The following ARHGEF7 variants were observed in gnomAD, a reference collection of about 807,000 sequenced individuals.
ARHGEF7 encodes PAK-interacting exchange factor beta.
A neutral mutation model predicts 109.8 loss-of-function variants in ARHGEF7; 33 were observed. The observed-to-expected ratio is 0.30, with a 90% CI of 0.23 to 0.40. The LOEUF (loss-of-function observed/expected upper bound fraction) is 0.40, where lower values mean the gene tolerates loss of function less well. Among genes scored for constraint, ARHGEF7 ranks in the 10% least tolerant of loss-of-function variants. The pLI, the probability that ARHGEF7 is intolerant of heterozygous loss-of-function variation, is 1.00. For missense variants in ARHGEF7, 938 were observed against 1,098.5 expected, an observed-to-expected ratio of 0.85 and a Z score of 2.07; for synonymous variants, 458 against 424.6, an observed-to-expected ratio of 1.08 and a Z score of -0.97.
At chr13:111,290,365 A>G (rs984473639) in intron 18 of ARHGEF7, among the ~76,000 whole-genome samples, 2 of 152,390 alleles carry the variant, frequency 1.3e-5, no homozygotes, top group South Asian at 2.1e-4. Flanking sequence ...ACAGCTATTT[A>G]TATGGCATTT....
chr13:111,135,358 G>A (rs1253294140), intron 1 of ARHGEF7, among the ~76,000 whole-genome samples: 2 of 152,114 alleles, frequency 1.3e-5, no homozygotes, highest in African/African-American at 2.4e-5. Context: ...TAGCTTGATG[G>A]GGATGGCATT....
intron 8 of ARHGEF7, among the ~76,000 whole-genome samples, chr13:111,264,459 C>T (rs750658898): frequency 5.3e-5 from 8 of 152,292 alleles, no homozygotes; most frequent in South Asian, 4.1e-4. Flanking sequence ...CTCCCATCTG[C>T]GCAGAGATCT....
At chr13:111,296,525 A>C (rs938917469) in intron 19 of ARHGEF7, among the ~76,000 whole-genome samples, 6 of 152,346 alleles carry the variant, frequency 3.9e-5, no homozygotes, top group African/African-American at 1.4e-4. Flanking sequence ...GGTGTTAAGT[A>C]TAAATTATTT....
intron 2 of ARHGEF7, among the ~76,000 whole-genome samples, chr13:111,164,372 C>T (rs1337266926): frequency 6.6e-6 from 1 of 152,198 alleles, no homozygotes; most frequent in East Asian, 1.9e-4. Flanking sequence ...AGGTGTTTGA[C>T]AACATCAAGG....
At chr13:111,130,036 G>T (rs965899982) in intron 1 of ARHGEF7, among the ~76,000 whole-genome samples, 2 of 152,172 alleles carry the variant, frequency 1.3e-5, no homozygotes, top group Admixed American at 6.5e-5. Context: ...ATGGAACACG[G>T]CTCAGCAATA....
chr13:111,221,189 CTATA>C (rs1186310181), intron 5 of ARHGEF7, among the ~76,000 whole-genome samples: 1 of 62,204 alleles, frequency 1.6e-5, no homozygotes, highest in South Asian at 5.7e-4. Flanking sequence ...ATATATATGT[CTATA>C]TATATCTATA....
intron 13 of ARHGEF7, among the ~76,000 whole-genome samples, chr13:111,277,928 A>G (rs2092579098): frequency 6.6e-6 from 1 of 152,220 alleles, no homozygotes; most frequent in African/African-American, 2.4e-5. Flanking sequence ...CTGTGGCACA[A>G]GTCAGTCTCT....
In ARHGEF7 at chr13:111,206,092, T is replaced by C. The variant is rs181057303; in HGVS notation, c.337+719T>C. Among the ~76,000 whole-genome samples, 6 of 152,200 alleles carry C rather than the reference T, an allele frequency of 3.9e-5. No individual in the cohort carries two copies. The East Asian group carries it at 5.8e-4, about 15-fold the overall frequency. On this transcript the variant is annotated intron_variant, in intron 3 of 21. Transcript: ENST00000646102. ...CTTTTTAGTTGCTTTTTTGGTCTTA[T>C]TAGAGTAATTTTTTTTTCCTATTTA...
rs1276855437 is a variant in ARHGEF7, at chr13:111,145,834, A to C, written c.166-8071A>C. ...TGTGTAGTTTTGGACCTGACATTTC[A>C]GCTGTCTGAGTCCCTGTTTTCTCAT... On this transcript the variant is annotated intron_variant, in intron 1 of 21. Transcript: ENST00000646102. This position sits in a 1 kb window ranked among gnomAD's most constrained non-coding sequence, Gnocchi z 4.3. Among the ~76,000 whole-genome samples, 1 of 152,224 alleles carries C rather than the reference A, an allele frequency of 6.6e-6. No homozygotes were observed. Among genetic ancestry groups the C allele is most frequent in the Non-Finnish European group, 1.5e-5 (1 of 68,046 alleles).
chr13:111,263,605 C>T (rs1425246068), intron 8 of ARHGEF7, among the ~76,000 whole-genome samples: 4 of 152,206 alleles, frequency 2.6e-5, no homozygotes, highest in Non-Finnish European at 5.9e-5. Flanking sequence ...CTTTCCTGTG[C>T]CACATCTCTG....
rs117734412 is a variant in ARHGEF7, at chr13:111,185,760, G to T, written c.253-19529G>T. ...GTGTAGGCTGTATGGGCTGCTGTGT[G>T]TGTGTACGTGGTGAGTTGTGTCTGA... is the stretch of plus-strand genomic sequence containing the variant. On this transcript the variant is annotated intron_variant, in intron 2 of 21. Coordinates refer to ENST00000646102, the MANE Select transcript of ARHGEF7 (RefSeq NM_001354046.2). Among the ~76,000 whole-genome samples, 81 of 152,304 alleles carry T rather than the reference G, an allele frequency of 5.3e-4. 6 individuals are homozygous for T. The East Asian group carries it at 0.016, about 29-fold the overall frequency.
intron 2 of ARHGEF7, among the ~76,000 whole-genome samples, chr13:111,179,594 A>G (rs1390835892): frequency 6.6e-6 from 1 of 152,162 alleles, no homozygotes; most frequent in Non-Finnish European, 1.5e-5. Flanking sequence ...CCATATTCAG[A>G]TATCTCTGGT....
At chr13:111,164,919 C>T (rs1394656782) in intron 2 of ARHGEF7, among the ~76,000 whole-genome samples, 1 of 152,178 alleles carries the variant, frequency 6.6e-6, no homozygotes, top group African/African-American at 2.4e-5. Flanking sequence ...AAGGCAGCCA[C>T]CATTTTACCT....
chr13:111,279,247 C>G (rs896878097), intron 13 of ARHGEF7, among the ~76,000 whole-genome samples: 1 of 152,144 alleles, frequency 6.6e-6, no homozygotes, highest in East Asian at 1.9e-4. Flanking sequence ...GTCTCCTCTT[C>G]CACCGGCCAT....
At chr13:111,274,014 T>TA (rs2092336439) in intron 10 of ARHGEF7, 62 bp downstream of exon 10, 48 of 1,568,084 alleles carry the variant, frequency 3.1e-5, no homozygotes, top group Non-Finnish European at 4.1e-5. Context: ...TGGTCAGACT[T>TA]ACTGTGAAAG....
In ARHGEF7 at chr13:111,255,642, G is replaced by C. The variant is rs866542203; in HGVS notation, c.950+11348G>C. Among the ~76,000 whole-genome samples the C allele has an allele frequency of 3.3e-5, 5 of 152,246 alleles. No homozygotes were observed. The highest frequency in any genetic ancestry group is 1.2e-4 in the African/African-American group (5 of 41,464). The stretch of plus-strand genomic sequence containing the variant: ...TCGCACTGGCTTTGGAGGGCCCTGA[G>C]TGAGCTGGCTGGTGTTCGTGAAAGA... On this transcript the variant is annotated intron_variant, in intron 8 of 21. Coordinates refer to ENST00000646102, the MANE Select transcript of ARHGEF7 (RefSeq NM_001354046.2). This position sits in a 1 kb window ranked among gnomAD's most constrained non-coding sequence, Gnocchi z 4.1.
chr13:111,139,581 C>T (rs368938405), intron 1 of ARHGEF7, among the ~76,000 whole-genome samples: 1 of 149,732 alleles, frequency 6.7e-6, no homozygotes, highest in East Asian at 2.0e-4. Flanking sequence ...GCGTGGAGCA[C>T]TGGCGGGTGC....
At chr13:111,231,099 T>G (rs1475952481) in intron 5 of ARHGEF7, among the ~76,000 whole-genome samples, 1 of 152,212 alleles carries the variant, frequency 6.6e-6, no homozygotes, top group Non-Finnish European at 1.5e-5. Context: ...GCACACATGC[T>G]GACGTGCGGC....
intron 2 of ARHGEF7, among the ~76,000 whole-genome samples, chr13:111,168,885 T>C (rs2077348540): frequency 6.6e-6 from 1 of 152,200 alleles, no homozygotes. Context: ...TTGGATGACA[T>C]GAGGAGGGTA....
Sources: allele counts gnomAD v4.1 joint callset (sites outside exome capture counted in the v4.1 genomes callset), GRCh38; gene constraint gnomAD v4.1.1; non-coding constraint Gnocchi (gnomAD v3.1); transcripts MANE v1.5; gene names NCBI Gene and HGNC (gene_info 2026-07-23, HGNC 2026-07-21).